Variants in ZPBP observed in about 807,000 individuals in gnomAD.
The protein encoded by ZPBP is zona pellucida-binding protein 1.
In ZPBP, 26 loss-of-function variants were observed where a neutral mutation model predicts 44.8. The ratio of observed to expected loss-of-function variants is 0.58; its 90% CI spans 0.43 to 0.81. ZPBP has a LOEUF of 0.81. Ranked by LOEUF, ZPBP falls within the 30% of genes least tolerant of loss-of-function variation. The pLI, the probability that ZPBP is intolerant of heterozygous loss-of-function variation, is 0.00. For missense variants in ZPBP, 409 were observed against 434.0 expected (o/e 0.94, Z 0.51); for synonymous variants, 174 against 153.2 (o/e 1.14, Z -1.00).
intron 6 of ZPBP, among the ~76,000 whole-genome samples, chr7:49,991,085 T>C (rs1007540435): frequency 2.0e-5 from 3 of 152,128 alleles, no homozygotes; most frequent in African/African-American, 7.2e-5. Context: ...TGGGAATCTC[T>C]GGGATAAATG....
intron 1 of ZPBP, chr7:49,913,714 C>G (rs1281292067): frequency 1.3e-5 from 2 of 151,934 alleles, no homozygotes; most frequent in East Asian, 1.9e-4. Context: ...TAGAGACCAG[C>G]AAATGGAGAT....
chr7:49,949,600 A>G (rs977442919), intron 7 of ZPBP, among the ~76,000 whole-genome samples: 3 of 152,062 alleles, frequency 2.0e-5, no homozygotes, highest in East Asian at 1.9e-4. Context: ...GAAAAAATGT[A>G]GAATGGTGGT....
chr7:49,902,883 C>A (rs1792846857), intron 1 of ZPBP, among the ~76,000 whole-genome samples: 1 of 152,030 alleles, frequency 6.6e-6, no homozygotes, highest in African/African-American at 2.4e-5. Context: ...GATAAAGGAA[C>A]AGTACGTGGA....
At chr7:49,841,924 T>C in the ZPBP span, among the ~76,000 whole-genome samples, 2 of 152,144 alleles carry the variant, frequency 1.3e-5, no homozygotes, top group African/African-American at 4.8e-5. Flanking sequence ...TGCAGTGCAA[T>C]GGCGTGATCT....
chr7:49,913,676 T>A (rs2128744081), intron 1 of ZPBP: 1 of 152,282 alleles, frequency 6.6e-6, no homozygotes, highest in Non-Finnish European at 1.5e-5. Context: ...GTATATGAAA[T>A]CATAATGTAT....
chr7:49,874,906 G>A (rs530673248), intron 2 of ZPBP, among the ~76,000 whole-genome samples: 2 of 152,126 alleles, frequency 1.3e-5, no homozygotes, highest in Non-Finnish European at 2.9e-5. Context: ...TTGTATGAGA[G>A]AGTGAGATTC....
At chr7:50,047,464 T>C (rs1800431685) in intron 4 of ZPBP, among the ~76,000 whole-genome samples, 1 of 151,854 alleles carries the variant, frequency 6.6e-6, no homozygotes, top group Non-Finnish European at 1.5e-5. Flanking sequence ...ACAGAGTACA[T>C]ATACAATGTG....
At chr7:50,062,221 A>C (rs1801279110) in intron 3 of ZPBP, among the ~76,000 whole-genome samples, 1 of 152,238 alleles carries the variant, frequency 6.6e-6, no homozygotes, top group African/African-American at 2.4e-5. Context: ...GGTAGAAAGA[A>C]TCAATATTGT....
intron 2 of ZPBP, among the ~76,000 whole-genome samples, chr7:49,874,880 T>C (rs1404049220): frequency 1.3e-5 from 2 of 152,174 alleles, no homozygotes; most frequent in Non-Finnish European, 2.9e-5. Flanking sequence ...AGAACCTGCC[T>C]GTTGGTTCTT....
At chr7:50,093,016 G>A (rs745347293) in intron 1 of ZPBP, 52 bp downstream of exon 1, 1 of 1,571,476 alleles carries the variant, frequency 6.4e-7, no homozygotes, top group African/African-American at 1.4e-5. Context: ...TCGAAGAGTG[G>A]GGGAAGCTGC....
intron 6 of ZPBP, among the ~76,000 whole-genome samples, chr7:49,985,071 G>A (rs1177002727): frequency 2.0e-5 from 3 of 152,110 alleles, no homozygotes; most frequent in African/African-American, 7.2e-5. Context: ...AAGTGTGGAT[G>A]TGTGTGAGTG....
chr7:49,894,337 G>A (rs2128731839), intron 2 of ZPBP, among the ~76,000 whole-genome samples: 1 of 152,154 alleles, frequency 6.6e-6, no homozygotes, highest in East Asian at 1.9e-4. Flanking sequence ...TGTATTTTTT[G>A]TAGAGACGGG....
intron 2 of ZPBP, among the ~76,000 whole-genome samples, chr7:50,088,747 G>T (rs772612784): frequency 2.0e-5 from 3 of 151,886 alleles, no homozygotes; most frequent in Non-Finnish European, 4.4e-5. Flanking sequence ...AAAAAAAGAA[G>T]ATGGATAATA....
intron 5 of ZPBP, among the ~76,000 whole-genome samples, chr7:50,026,493 A>C (rs1304847681): frequency 6.6e-6 from 1 of 151,960 alleles, no homozygotes. Context: ...AGTACACATG[A>C]AACATTCCTC....
At chr7:50,042,730 A>G (rs542372966) in intron 4 of ZPBP, among the ~76,000 whole-genome samples, 1 of 152,384 alleles carries the variant, frequency 6.6e-6, no homozygotes, top group Admixed American at 6.5e-5. Flanking sequence ...AATTGTAAAG[A>G]ACATCAACAC....
intron 3 of ZPBP, among the ~76,000 whole-genome samples, chr7:50,067,856 C>T (rs1801607229): frequency 6.6e-6 from 1 of 152,168 alleles, no homozygotes; most frequent in Admixed American, 6.5e-5. Context: ...CTGGGTGATG[C>T]CATGACTTTA....
At chr7:49,937,327 A>G (rs1583872082), downstream of ZPBP, 1 of 520,362 alleles carries the variant, frequency 1.9e-6, no homozygotes. Flanking sequence ...ATATTTTAGA[A>G]TCATATGTAG....
At chr7:50,079,250 T>C (rs1319413972) in intron 3 of ZPBP, among the ~76,000 whole-genome samples, 1 of 151,630 alleles carries the variant, frequency 6.6e-6, no homozygotes, top group Non-Finnish European at 1.5e-5. Flanking sequence ...TCAGACATAA[T>C]GACTTTAGGA....
chr7:50,041,185 C>T (rs1227096719), intron 4 of ZPBP, among the ~76,000 whole-genome samples: 2 of 152,318 alleles, frequency 1.3e-5, no homozygotes, highest in South Asian at 2.1e-4. Flanking sequence ...AAATTCCCAT[C>T]TCCCTGGGAC....
Sources: allele counts gnomAD v4.1 joint callset (sites outside exome capture counted in the v4.1 genomes callset), GRCh38; gene constraint gnomAD v4.1.1; transcripts MANE v1.5; gene names NCBI Gene and HGNC (gene_info 2026-07-23, HGNC 2026-07-21).